ADCY10: variants seen among roughly 807,000 people sequenced by gnomAD.
ADCY10 encodes adenylate cyclase 10.
In ADCY10, 156 loss-of-function variants were observed where a neutral mutation model predicts 183.3. That is an observed-to-expected ratio of 0.85 (90% CI 0.75 to 0.97). The LOEUF (loss-of-function observed/expected upper bound fraction) is 0.97, where lower values mean the gene tolerates loss of function less well. Among genes scored for constraint, ADCY10 ranks in the 50% least tolerant of loss-of-function variants. ADCY10 has a pLI of 0.00. For synonymous variants in ADCY10, 645 were observed against 670.0 expected, an observed-to-expected ratio of 0.96 and a Z score of 0.58; for missense variants, 1,745 against 1,934.3, an observed-to-expected ratio of 0.90 and a Z score of 1.84.
At position 167,809,551 on chromosome 1, in the gene ADCY10, T is replaced by A. The variant is rs1438480667; in HGVS notation, c.*127A>T. 1 of 1,024,652 alleles carries A rather than the reference T, an allele frequency of 9.8e-7. No individual in the cohort carries two copies. The highest frequency in any genetic ancestry group is 1.5e-6 in the Non-Finnish European group (1 of 666,416). The allele number at this position is 1,024,652 out of a possible 1,614,324, so 63.5% of individuals were successfully genotyped here. A position where few individuals can be genotyped will look rare whatever the true frequency, so the allele number is the denominator to read the frequency against. ...CCTCCAGAAAGAGAAGAAATCAACA[T>A]GTCTGTTTCTGTGTCTGGAACAGAA... On this transcript the variant is annotated 3_prime_UTR_variant, in exon 33 of 33. Coordinates refer to ENST00000367851, the MANE Select transcript of ADCY10 (RefSeq NM_018417.6).
At chr1:167,832,477 AT>A (rs368312744) in intron 25 of ADCY10, among the ~76,000 whole-genome samples, 23 of 152,262 alleles carry the variant, frequency 1.5e-4, no homozygotes, top group African/African-American at 5.5e-4. Context: ...TAACAGTACA[AT>A]TTTGACCAAC....
intron 8 of ADCY10, among the ~76,000 whole-genome samples, chr1:167,890,903 C>T (rs187336514): frequency 5.4e-4 from 82 of 152,252 alleles, no homozygotes; most frequent in Non-Finnish European, 5.6e-4. Flanking sequence ...CACATAAGGA[C>T]ACAATAAACT....
At position 167,820,062 on chromosome 1, in the gene ADCY10, AC is replaced by A; in HGVS notation, c.4287-1796del. On this transcript the variant is annotated intron_variant, in intron 30 of 32. Coordinates refer to ENST00000367851, the MANE Select transcript of ADCY10 (RefSeq NM_018417.6). ...TCTACGTTTCAAAGCCTCTTTCGTT[AC>A]TCATCCTTGAGATAAAATTTGGCTA... 8 of 1,573,454 alleles carry A rather than the reference AC, an allele frequency of 5.1e-6. No individual in the cohort carries two copies. The South Asian group carries it at 7.9e-5, about 15-fold the overall frequency.
chr1:167,866,027 G>A (rs1169229346), intron 14 of ADCY10, among the ~76,000 whole-genome samples: 1 of 152,210 alleles, frequency 6.6e-6, no homozygotes, highest in East Asian at 1.9e-4. Flanking sequence ...AGGAAACTTA[G>A]GATTCCTTGG....
chr1:167,829,880 C>T (rs1003496018), intron 25 of ADCY10, among the ~76,000 whole-genome samples: 6 of 152,176 alleles, frequency 3.9e-5, no homozygotes, highest in Non-Finnish European at 5.9e-5. Context: ...TACCTCCAGC[C>T]CAAAAGCCCA....
intron 26 of ADCY10, 94 bp from the exon 27 acceptor site, chr1:167,824,949 A>G: frequency 2.4e-6 from 3 of 1,264,744 alleles, no homozygotes; most frequent in Non-Finnish European, 3.4e-6. Context: ...TTTGTTTATT[A>G]AGTTTGGGAA....
intron 24 of ADCY10, 151 bp downstream of exon 24, chr1:167,833,819 G>T (rs1298066225): frequency 4.5e-6 from 3 of 663,296 alleles, no homozygotes; most frequent in Non-Finnish European, 8.1e-6. Context: ...TGAGGAGGTT[G>T]GAGCCCAGGG....
At chr1:167,896,713 G>A (rs763419656) in intron 6 of ADCY10, 22 bp from the exon 7 acceptor site, 8 of 1,498,118 alleles carry the variant, frequency 5.3e-6, no homozygotes, top group South Asian at 3.4e-5. Context: ...CAAATGAGAA[G>A]TTTTCAGTTA....
chr1:167,842,496 A>G (rs986998919), intron 21 of ADCY10, among the ~76,000 whole-genome samples: 10 of 151,960 alleles, frequency 6.6e-5, no homozygotes, highest in South Asian at 2.1e-4. Flanking sequence ...CCTAAAGGTT[A>G]TACTCCACAC....
chr1:167,875,506 T>C (rs553159394), intron 12 of ADCY10, among the ~76,000 whole-genome samples: 3 of 152,356 alleles, frequency 2.0e-5, no homozygotes, highest in East Asian at 3.9e-4. Flanking sequence ...TAGATTTCAA[T>C]GTGGTGCAGA....
At chr1:167,838,166 G>A (rs138207116) in intron 21 of ADCY10, among the ~76,000 whole-genome samples, 87 of 152,284 alleles carry the variant, frequency 5.7e-4, no homozygotes, top group Non-Finnish European at 9.7e-4. Flanking sequence ...TCTTCTGAAA[G>A]CCCTCTGTGC....
At chr1:167,883,406 G>T (rs1668003334) in intron 9 of ADCY10, 31 bp downstream of exon 9, 2 of 1,607,460 alleles carry the variant, frequency 1.2e-6, no homozygotes, top group East Asian at 2.2e-5. Flanking sequence ...TAAAACTATT[G>T]GTAGGTTCCC....
At chr1:167,871,200 C>T (rs1213043958) in intron 13 of ADCY10, among the ~76,000 whole-genome samples, 1 of 151,654 alleles carries the variant, frequency 6.6e-6, no homozygotes, top group Non-Finnish European at 1.5e-5. Flanking sequence ...ATTTTTATTT[C>T]TGATTCTGTG....
At chr1:167,810,012 C>T (rs1029361367) in intron 32 of ADCY10, among the ~76,000 whole-genome samples, 173 bp from the exon 33 acceptor site, 1 of 152,214 alleles carries the variant, frequency 6.6e-6, no homozygotes, top group African/African-American at 2.4e-5. Flanking sequence ...TCTTTAAATA[C>T]ACACATATAC....
At chr1:167,901,585 T>C in intron 5 of ADCY10, 77 bp downstream of exon 5, 11 of 1,441,610 alleles carry the variant, frequency 7.6e-6, no homozygotes, top group Non-Finnish European at 1.1e-5. Flanking sequence ...ACTACTTCTC[T>C]TTGGGAGAGA....
At position 167,856,342 on chromosome 1, in the gene ADCY10, G is replaced by A. The variant is rs1280173960; in HGVS notation, c.1994C>T (p.Pro665Leu). Reference sequence around the variant, plus strand: ...ACACAGGGACATAATGATGAAGATAGGAAGAGTCCGGATAAGCTTCTCCAT... The same window carrying A: ...ACACAGGGACATAATGATGAAGATAAGAAGAGTCCGGATAAGCTTCTCCAT... The part of the protein sequence containing the change: ...RFMEKLIRTL[P>L]IFIIMSLCPF... Residue 665 changes from proline (P) to leucine (L), a missense_variant, in exon 17 of 33, where the codon CCT becomes CTT. Coordinates refer to ENST00000367851, the MANE Select transcript of ADCY10 (RefSeq NM_018417.6). 2 of 1,614,056 alleles carry A rather than the reference G, an allele frequency of 1.2e-6. No individual in the cohort carries two copies. Among genetic ancestry groups the A allele is most frequent in the Non-Finnish European group, 1.7e-6 (2 of 1,179,954 alleles).
chr1:167,891,668 A>AAAAG (rs1045145782), intron 8 of ADCY10, among the ~76,000 whole-genome samples: 1 of 151,504 alleles, frequency 6.6e-6, no homozygotes, highest in African/African-American at 2.4e-5. Flanking sequence ...AAAAAAAAAA[A>AAAAG]AAAGAAAGAA....
chr1:167,866,716 A>C (rs1666722465), intron 14 of ADCY10, among the ~76,000 whole-genome samples: 1 of 151,254 alleles, frequency 6.6e-6, no homozygotes, highest in African/African-American at 2.4e-5. Flanking sequence ...GTGGCCTTAG[A>C]CAGTCTAGTC....
intron 2 of ADCY10, 172 bp downstream of exon 2, chr1:167,904,821 A>G: frequency 1.2e-6 from 1 of 801,122 alleles, no homozygotes; most frequent in Non-Finnish European, 2.1e-6. Flanking sequence ...GATGAGAGAG[A>G]GCCAGGGCCA....
Sources: gnomAD v4.1 joint callset for allele counts (sites outside exome capture counted in the v4.1 genomes callset) on GRCh38, gnomAD v4.1.1 for gene constraint, MANE v1.5 for transcripts, NCBI Gene and HGNC (gene_info 2026-07-23, HGNC 2026-07-21) for gene names.